Variants in PTPRT observed in about 807,000 individuals in gnomAD.
PTPRT encodes the protein receptor-type tyrosine-protein phosphatase T.
A neutral mutation model predicts 176.8 loss-of-function variants in PTPRT; 56 were observed. The ratio of observed to expected loss-of-function variants is 0.32; its 90% CI spans 0.26 to 0.40. The LOEUF (loss-of-function observed/expected upper bound fraction) is 0.40, where lower values mean the gene tolerates loss of function less well. Among genes scored for constraint, PTPRT ranks in the 10% least tolerant of loss-of-function variants. The pLI is 1.00. For synonymous variants in PTPRT, 783 were observed against 739.0 expected, an observed-to-expected ratio of 1.06 and a Z score of -0.96; for missense variants, 1,540 against 1,908.2, an observed-to-expected ratio of 0.81 and a Z score of 3.60.
In PTPRT at chr20:42,850,975, C is replaced by G. The variant is rs114502321; in HGVS notation, c.214+34832G>C. On this transcript the variant is annotated intron_variant, in intron 2 of 30. Coordinates refer to ENST00000373187, the MANE Select transcript of PTPRT (RefSeq NM_007050.6). ...CTTCCATCTTTGGTCCTCATTAGGG[C>G]TCTTGGTAGCTGGCTCGTTGCTAAG... 2.8e-3 allele frequency among the ~76,000 whole-genome samples: 421 copies of G among 152,300 alleles called. 2 individuals are homozygous for G. Among genetic ancestry groups the G allele is most frequent in the African/African-American group, 9.7e-3 (405 of 41,562 alleles).
intron 7 of PTPRT, among the ~76,000 whole-genome samples, chr20:42,661,444 A>G (rs2146001901): frequency 6.6e-6 from 1 of 152,330 alleles, no homozygotes; most frequent in African/African-American, 2.4e-5. Flanking sequence ...TCAAAAGGTT[A>G]CTTTCAAATT....
At chr20:42,550,419 A>G (rs146898039) in intron 7 of PTPRT, among the ~76,000 whole-genome samples, 2 of 152,260 alleles carry the variant, frequency 1.3e-5, no homozygotes, top group East Asian at 3.9e-4. Flanking sequence ...CTTTTAAATT[A>G]TATGAACCAT....
At chr20:42,355,322 TC>T (rs1984862460) in intron 9 of PTPRT, among the ~76,000 whole-genome samples, 1 of 152,106 alleles carries the variant, frequency 6.6e-6, no homozygotes, top group Non-Finnish European at 1.5e-5. Context: ...TCCTTTCTCT[TC>T]CCCACTCCAT....
chr20:42,921,792 C>A (rs1395269611), intron 1 of PTPRT, among the ~76,000 whole-genome samples: 1 of 152,200 alleles, frequency 6.6e-6, no homozygotes, highest in East Asian at 1.9e-4. Flanking sequence ...AAACTGCCCT[C>A]CTCAAGACCA....
rs1600764398 is a variant in PTPRT, at chr20:43,165,417, C to T, written c.88+24229G>A. Among the ~76,000 whole-genome samples, 3 of 152,302 alleles carry T rather than the reference C, an allele frequency of 2.0e-5. 1 individual carries two copies. Among genetic ancestry groups the T allele is most frequent in the South Asian group, 4.1e-4 (2 of 4,822 alleles). Reference sequence around the variant, plus strand: ...ACCTCAGGTGATCCACCCGACTCGGCCTCCCAAAGTGCTGGGATTACAGGC... The same window carrying T: ...ACCTCAGGTGATCCACCCGACTCGGTCTCCCAAAGTGCTGGGATTACAGGC... On this transcript the variant is annotated intron_variant, in intron 1 of 30. Coordinates refer to ENST00000373187, the MANE Select transcript of PTPRT (RefSeq NM_007050.6).
chr20:43,132,207 T>C (rs2013665905), intron 1 of PTPRT, among the ~76,000 whole-genome samples: 1 of 152,152 alleles, frequency 6.6e-6, no homozygotes, highest in Non-Finnish European at 1.5e-5. Flanking sequence ...GAAAAAGAGA[T>C]AGTAAAACTA....
intron 6 of PTPRT, among the ~76,000 whole-genome samples, chr20:42,720,715 T>C (rs887724403): frequency 1.3e-5 from 2 of 152,224 alleles, no homozygotes; most frequent in Admixed American, 6.5e-5. Context: ...TTCCTGAGTA[T>C]GCAGAATTGT....
intron 27 of PTPRT, among the ~76,000 whole-genome samples, chr20:42,093,120 C>T (rs1194994531): frequency 5.3e-5 from 8 of 152,312 alleles, no homozygotes; most frequent in East Asian, 1.9e-4. Flanking sequence ...CTTTGGCTGG[C>T]ATGCAGGATC....
At chr20:42,833,389 T>C (rs770024289) in intron 2 of PTPRT, among the ~76,000 whole-genome samples, 5 of 148,858 alleles carry the variant, frequency 3.4e-5, no homozygotes, top group Non-Finnish European at 5.9e-5. Context: ...CTGGATAACA[T>C]AGCGAGACCC....
chr20:42,209,214 C>G (rs1189264898), intron 15 of PTPRT, among the ~76,000 whole-genome samples: 1 of 152,088 alleles, frequency 6.6e-6, no homozygotes, highest in Non-Finnish European at 1.5e-5. Context: ...AAAATTAATA[C>G]CCTAACATCA....
intron 8 of PTPRT, among the ~76,000 whole-genome samples, chr20:42,465,836 T>C (rs565549112): frequency 1.3e-5 from 2 of 152,304 alleles, no homozygotes; most frequent in East Asian, 3.9e-4. Flanking sequence ...CATAGGTAAA[T>C]GCATGCCATG....
intron 25 of PTPRT, among the ~76,000 whole-genome samples, chr20:42,103,651 T>G (rs1417720900): frequency 6.6e-6 from 1 of 152,122 alleles, no homozygotes; most frequent in Non-Finnish European, 1.5e-5. Flanking sequence ...GTATTTTTAG[T>G]AGAGACAGGG....
intron 8 of PTPRT, among the ~76,000 whole-genome samples, chr20:42,466,211 G>A (rs1374572754): frequency 6.6e-6 from 1 of 152,138 alleles, no homozygotes; most frequent in East Asian, 1.9e-4. Flanking sequence ...GTGCTGCAAT[G>A]AACATATACA....
intron 1 of PTPRT, among the ~76,000 whole-genome samples, chr20:43,022,123 C>G (rs993647117): frequency 6.6e-6 from 1 of 152,184 alleles, no homozygotes; most frequent in Non-Finnish European, 1.5e-5. Context: ...AGCTTTGAAG[C>G]TAGACACATT....
chr20:42,695,955 G>A (rs533538331), intron 6 of PTPRT, among the ~76,000 whole-genome samples: 1 of 152,126 alleles, frequency 6.6e-6, no homozygotes, highest in East Asian at 1.9e-4. Flanking sequence ...CCCTCCTCCT[G>A]TCATTCATGG....
intron 12 of PTPRT, among the ~76,000 whole-genome samples, chr20:42,314,557 GA>G (rs1254283116): frequency 6.7e-6 from 1 of 148,554 alleles, no homozygotes; most frequent in Non-Finnish European, 1.5e-5. Flanking sequence ...GAAAAGAAAA[GA>G]AAAGAAAAGA....
chr20:43,055,410 C>T (rs753354483), intron 1 of PTPRT, among the ~76,000 whole-genome samples: 10 of 152,146 alleles, frequency 6.6e-5, no homozygotes, highest in Non-Finnish European at 1.2e-4. Context: ...CTTCTCCTCC[C>T]CTTTCACCCT....
At position 42,725,462 on chromosome 20, in the gene PTPRT, T is replaced by C. The variant is rs112636748; in HGVS notation, c.859+31000A>G. 7.3e-3 allele frequency among the ~76,000 whole-genome samples: 1,110 copies of C among 151,974 alleles called. 15 individuals are homozygous for C. The highest frequency in any genetic ancestry group is 0.026 in the African/African-American group (1,060 of 41,498). ...AGGTAGACAAACACTTGTACAATAG[T>C]ATTAAAATCCTCCACTTTACAAATG... is the stretch of plus-strand genomic sequence containing the variant. On this transcript the variant is annotated intron_variant, in intron 6 of 30. Transcript: ENST00000373187.
chr20:42,938,380 G>C (rs1241418304), intron 1 of PTPRT, among the ~76,000 whole-genome samples: 1 of 152,154 alleles, frequency 6.6e-6, no homozygotes, highest in Admixed American at 6.5e-5. Context: ...TCACAGCCTA[G>C]CATAGCTAGG....
Sources: allele counts gnomAD v4.1 joint callset (sites outside exome capture counted in the v4.1 genomes callset), GRCh38; gene constraint gnomAD v4.1.1; transcripts MANE v1.5; gene names NCBI Gene and HGNC (gene_info 2026-07-23, HGNC 2026-07-21).